Variants in MEMO1 observed in about 807,000 individuals in gnomAD.
MEMO1 encodes the protein mediator of cell motility 1.
In MEMO1, 6 loss-of-function variants were observed where a neutral mutation model predicts 45.2. The observed-to-expected ratio is 0.13, with a 90% CI of 0.07 to 0.26. MEMO1 has a LOEUF of 0.26. Among genes scored for constraint, MEMO1 ranks in the 10% least tolerant of loss-of-function variants. MEMO1 has a pLI of 1.00. For missense variants in MEMO1, 184 were observed against 370.5 expected (o/e 0.50, Z 4.13); for synonymous variants, 78 against 124.3 (o/e 0.63, Z 2.48).
Position 32,006,084 on chromosome 2 carries a change from G to C in MEMO1, c.61+4103C>G, listed in dbSNP as rs115479617. Among the ~76,000 whole-genome samples, 911 of 152,334 alleles carry C rather than the reference G, an allele frequency of 6.0e-3. 11 individuals are homozygous for C. Among genetic ancestry groups the C allele is most frequent in the African/African-American group, 0.021 (853 of 41,570 alleles). On this transcript the variant is annotated intron_variant, in intron 2 of 9. Transcript: ENST00000404530. ...ACAACTATTAGATGTCACTTAAGGA[G>C]GGTAAAACCAAAACTGGGTTGGGGT...
rs1665947120 is a variant in MEMO1 at position 31,944,262 on chromosome 2, C to A, written c.62-879G>T. On this transcript the variant is annotated intron_variant, in intron 2 of 9. Coordinates refer to ENST00000404530, the MANE Select transcript of MEMO1 (RefSeq NM_001301833.4). ...ATCCCATCACATTAACGTAGTGAATCTGCTCTCCTATCTTTAAGATAGAGA... is the reference window on the plus strand; with the variant it reads ...ATCCCATCACATTAACGTAGTGAATATGCTCTCCTATCTTTAAGATAGAGA... 1.3e-5 allele frequency among the ~76,000 whole-genome samples: 2 copies of A among 152,184 alleles called. 1 individual carries two copies. The highest frequency in any genetic ancestry group is 4.1e-4 in the South Asian group (2 of 4,832).
rs879701361 is a variant in MEMO1, at chr2:31,975,385, G to A, written c.62-32002C>T. On this transcript the variant is annotated intron_variant, in intron 2 of 9. Transcript: ENST00000404530. ...ATTCTCATCTCCTGATCTTTGTGAC[G>A]GTCAGAGGAGTCAGCAGGCAATATA... is the stretch of plus-strand genomic sequence containing the variant. 9.2e-5 allele frequency among the ~76,000 whole-genome samples: 14 copies of A among 152,208 alleles called. No homozygotes were observed. In the East Asian group the frequency reaches 9.6e-4, roughly 10 times the overall value.
chr2:31,912,106 G>A (rs1232801621), intron 6 of MEMO1, among the ~76,000 whole-genome samples: 2 of 152,098 alleles, frequency 1.3e-5, no homozygotes, highest in Non-Finnish European at 2.9e-5. Context: ...GGCCGAGGGC[G>A]GGTGGATCAC....
intron 2 of MEMO1, among the ~76,000 whole-genome samples, chr2:32,005,448 G>C (rs1464650542): frequency 1.3e-5 from 2 of 151,946 alleles, no homozygotes; most frequent in African/African-American, 4.8e-5. Context: ...GGGGCATTTG[G>C]TGGGAATTCC....
At chr2:31,948,044 G>A (rs1003669494) in intron 2 of MEMO1, among the ~76,000 whole-genome samples, 1 of 152,180 alleles carries the variant, frequency 6.6e-6, no homozygotes, top group Non-Finnish European at 1.5e-5. Context: ...CAGTTATACA[G>A]TAGGACTGAG....
chr2:31,870,923 T>C (rs1673616892), intron 8 of MEMO1, among the ~76,000 whole-genome samples: 1 of 152,170 alleles, frequency 6.6e-6, no homozygotes, highest in African/African-American at 2.4e-5. Context: ...AAAGGAAAGC[T>C]TTTTATCTCT....
rs1378697010 is a variant in MEMO1 at position 31,875,755 on chromosome 2, C to T, written c.658-5803G>A. On this transcript the variant is annotated intron_variant, in intron 8 of 9. Transcript: ENST00000404530. ...GAGCTGGAGTGCAGTGGTGCAATCTCGGCTCACTGTAACCTCCACCTACCA... is the reference window on the plus strand; with the variant it reads ...GAGCTGGAGTGCAGTGGTGCAATCTTGGCTCACTGTAACCTCCACCTACCA... 2.6e-5 allele frequency among the ~76,000 whole-genome samples: 4 copies of T among 152,158 alleles called. No homozygotes were observed. In the East Asian group the frequency reaches 5.8e-4, roughly 22 times the overall value.
chr2:31,992,759 G>A (rs1303314326), intron 2 of MEMO1, among the ~76,000 whole-genome samples: 1 of 152,062 alleles, frequency 6.6e-6, no homozygotes, highest in Non-Finnish European at 1.5e-5. Flanking sequence ...ACTCCAGCCT[G>A]GGTGACAGAG....
At chr2:32,009,647 T>G (rs943959256) in intron 2 of MEMO1, among the ~76,000 whole-genome samples, 1 of 151,562 alleles carries the variant, frequency 6.6e-6, no homozygotes, top group African/African-American at 2.4e-5. Context: ...CCGAGAGAAC[T>G]CCCTCTGGGC....
At chr2:31,884,362 T>C (rs1340472093) in intron 7 of MEMO1, among the ~76,000 whole-genome samples, 2 of 150,242 alleles carry the variant, frequency 1.3e-5, no homozygotes. Context: ...CTTTTGTATT[T>C]CCTTAATGTT....
intron 7 of MEMO1, among the ~76,000 whole-genome samples, chr2:31,883,956 G>C (rs1427785947): frequency 6.7e-6 from 1 of 150,260 alleles, no homozygotes; most frequent in Non-Finnish European, 1.5e-5. Context: ...TGACTTTTAT[G>C]AAGTAAATTT....
chr2:32,010,702 G>A (rs1006589432), intron 1 of MEMO1: 1 of 122,410 alleles, frequency 8.2e-6, no homozygotes, highest in African/African-American at 3.0e-5. Context: ...GGGGCTCCCC[G>A]CACCCACCCC....
intron 2 of MEMO1, among the ~76,000 whole-genome samples, chr2:31,953,827 C>A (rs184248286): frequency 4.1e-4 from 62 of 152,260 alleles, no homozygotes; most frequent in Non-Finnish European, 7.2e-4. Context: ...TGATGCATGA[C>A]AAGGCCTACT....
intron 2 of MEMO1, among the ~76,000 whole-genome samples, chr2:32,009,801 C>T (rs1331282995): frequency 2.0e-5 from 3 of 152,114 alleles, no homozygotes; most frequent in Non-Finnish European, 4.4e-5. Context: ...CCGTCCTTCC[C>T]GGGGGTGGCA....
chr2:31,999,493 C>T (rs972407407), intron 2 of MEMO1, among the ~76,000 whole-genome samples: 6 of 151,964 alleles, frequency 3.9e-5, no homozygotes, highest in Non-Finnish European at 5.9e-5. Context: ...TGAGACCCGC[C>T]CCCCCATCTC....
chr2:31,929,585 T>G (rs1683642657), intron 4 of MEMO1, among the ~76,000 whole-genome samples: 1 of 152,238 alleles, frequency 6.6e-6, no homozygotes, highest in Non-Finnish European at 1.5e-5. Context: ...AAGCTGCTAG[T>G]CAGCATTCTA....
chr2:31,873,900 T>A (rs1044047678), intron 8 of MEMO1, among the ~76,000 whole-genome samples: 6 of 152,050 alleles, frequency 3.9e-5, no homozygotes, highest in Admixed American at 6.5e-5. Flanking sequence ...TGCTAAGTAA[T>A]GTACTAATAA....
intron 2 of MEMO1, among the ~76,000 whole-genome samples, chr2:31,960,264 T>C (rs548844166): frequency 2.4e-4 from 37 of 152,248 alleles, no homozygotes; most frequent in Non-Finnish European, 4.9e-4. Context: ...CTAAGAATCC[T>C]GGAGCTAGCA....
chr2:31,935,223 T>C (rs953004377), intron 3 of MEMO1, among the ~76,000 whole-genome samples: 6 of 152,074 alleles, frequency 3.9e-5, no homozygotes, highest in Non-Finnish European at 5.9e-5. Context: ...GGCTCTAGAA[T>C]ACATACTGTT....
Sources: gnomAD v4.1 joint callset for allele counts (sites outside exome capture counted in the v4.1 genomes callset) on GRCh38, gnomAD v4.1.1 for gene constraint, MANE v1.5 for transcripts, NCBI Gene and HGNC (gene_info 2026-07-23, HGNC 2026-07-21) for gene names.